CMSS1: variants seen among roughly 807,000 people sequenced by gnomAD.
The protein encoded by CMSS1 is cms1 ribosomal small subunit homolog.
In CMSS1, 33 loss-of-function variants were observed where a neutral mutation model predicts 43.5. That is an observed-to-expected ratio of 0.76 (90% CI 0.57 to 1.01). The LOEUF (loss-of-function observed/expected upper bound fraction) is 1.01. Ranked by LOEUF, CMSS1 falls within the 50% of genes least tolerant of loss-of-function variation. The pLI is 0.00. For synonymous variants in CMSS1, 115 were observed against 117.2 expected (o/e 0.98, Z 0.12); for missense variants, 313 against 326.4 (o/e 0.96, Z 0.32).
intron 1 of CMSS1, among the ~76,000 whole-genome samples, chr3:99,984,151 C>A (rs1421416763): frequency 6.6e-6 from 1 of 151,978 alleles, no homozygotes; most frequent in African/African-American, 2.4e-5. Context: ...AAGTCCATCA[C>A]AAATTGGCTT....
chr3:99,956,113 T>A (rs1309608740), intron 1 of CMSS1, among the ~76,000 whole-genome samples: 1 of 152,166 alleles, frequency 6.6e-6, no homozygotes, highest in African/African-American at 2.4e-5. Flanking sequence ...ATTCATTCCT[T>A]ATTGCCTCTG....
At chr3:99,918,455 AACTC>A in intron 1 of CMSS1, among the ~76,000 whole-genome samples, 1 of 152,300 alleles carries the variant, frequency 6.6e-6, no homozygotes, top group South Asian at 2.1e-4. Flanking sequence ...GTAAGCAATA[AACTC>A]ACTATCATGT....
intron 1 of CMSS1, among the ~76,000 whole-genome samples, chr3:100,127,288 T>C (rs2066671277): frequency 6.6e-6 from 1 of 152,180 alleles, no homozygotes; most frequent in Non-Finnish European, 1.5e-5. Context: ...TAATCCTCAT[T>C]CATCTCTGTC....
chr3:100,174,494 T>C (rs2067133593), intron 8 of CMSS1, among the ~76,000 whole-genome samples: 1 of 152,184 alleles, frequency 6.6e-6, no homozygotes, highest in African/African-American at 2.4e-5. Context: ...TGAAGGCTTA[T>C]TTCATATGGA....
At chr3:99,833,255 G>C in intron 1 of CMSS1, 1 of 1,611,496 alleles carries the variant, frequency 6.2e-7, no homozygotes, top group South Asian at 1.1e-5. Context: ...AGAAGAAGTG[G>C]TTCCACCTAG....
chr3:100,137,280 G>T (rs1476332773), intron 1 of CMSS1, among the ~76,000 whole-genome samples: 5 of 152,184 alleles, frequency 3.3e-5, no homozygotes, highest in African/African-American at 9.7e-5. Context: ...GAGAACAGCT[G>T]ATGACCTCTA....
At chr3:99,896,409 T>C (rs1240442156) in intron 1 of CMSS1, among the ~76,000 whole-genome samples, 2 of 152,192 alleles carry the variant, frequency 1.3e-5, no homozygotes, top group Admixed American at 1.3e-4. Context: ...TAGTACAGCA[T>C]TTCTGTGTGT....
At chr3:99,905,735 G>A (rs141138686) in intron 1 of CMSS1, among the ~76,000 whole-genome samples, 1 of 152,260 alleles carries the variant, frequency 6.6e-6, no homozygotes, top group African/African-American at 2.4e-5. Context: ...GCCACCATTT[G>A]ATGTCTATTA....
At chr3:100,062,111 T>A (rs1175490424) in intron 1 of CMSS1, among the ~76,000 whole-genome samples, 1 of 75,294 alleles carries the variant, frequency 1.3e-5, no homozygotes, top group Non-Finnish European at 2.9e-5. Flanking sequence ...TTTTTTTTTT[T>A]TTTTTTTTTT....
intron 1 of CMSS1, among the ~76,000 whole-genome samples, chr3:99,846,310 C>G (rs1348096845): frequency 6.6e-6 from 1 of 152,176 alleles, no homozygotes; most frequent in Non-Finnish European, 1.5e-5. Flanking sequence ...AGACTTTGTT[C>G]TTAAATTCTG....
chr3:100,043,527 G>A (rs1001206530), intron 1 of CMSS1, among the ~76,000 whole-genome samples: 1 of 152,046 alleles, frequency 6.6e-6, no homozygotes, highest in Non-Finnish European at 1.5e-5. Context: ...TGGGAGACAG[G>A]CTCCACCCCA....
intron 1 of CMSS1, among the ~76,000 whole-genome samples, chr3:99,824,891 A>T (rs999664298): frequency 2.0e-5 from 3 of 152,184 alleles, no homozygotes; most frequent in African/African-American, 7.2e-5. Context: ...AGCTTTGTAA[A>T]TATTTTTGTT....
chr3:99,818,692 G>A (rs1942372748), intron 1 of CMSS1, among the ~76,000 whole-genome samples: 1 of 152,216 alleles, frequency 6.6e-6, no homozygotes, highest in South Asian at 2.1e-4. Context: ...TTATTTTACA[G>A]ATGAGAAACA....
At chr3:100,141,531 GC>G (rs1322999522) in intron 1 of CMSS1, 6 of 456,054 alleles carry the variant, frequency 1.3e-5, no homozygotes, top group African/African-American at 1.2e-4. Context: ...CATTGCCAGG[GC>G]CCCTCCCAGT....
intron 1 of CMSS1, among the ~76,000 whole-genome samples, chr3:99,857,956 A>G (rs1944052785): frequency 6.6e-6 from 1 of 152,236 alleles, no homozygotes; most frequent in African/African-American, 2.4e-5. Flanking sequence ...CAGGGGATAG[A>G]GGATCCTATT....
intron 1 of CMSS1, among the ~76,000 whole-genome samples, chr3:99,927,902 T>C (rs1433896235): frequency 6.6e-6 from 1 of 152,182 alleles, no homozygotes; most frequent in Non-Finnish European, 1.5e-5. Context: ...CTTAAGTCAG[T>C]GTTCCTGTCG....
intron 1 of CMSS1, among the ~76,000 whole-genome samples, chr3:99,936,026 G>T (rs899030552): frequency 2.6e-5 from 4 of 152,012 alleles, no homozygotes; most frequent in South Asian, 4.2e-4. Context: ...CTTTATTAAT[G>T]TTGTATATTA....
intron 1 of CMSS1, among the ~76,000 whole-genome samples, chr3:100,037,960 G>A (rs1168121931): frequency 2.3e-5 from 3 of 129,374 alleles, no homozygotes; most frequent in African/African-American, 5.9e-5. Context: ...TTTTTTTGGG[G>A]GGGGAGGGAA....
chr3:99,999,063 A>T (rs774712905), intron 1 of CMSS1, among the ~76,000 whole-genome samples: 1 of 152,162 alleles, frequency 6.6e-6, no homozygotes, highest in South Asian at 2.1e-4. Flanking sequence ...CACTTGTACT[A>T]TGTACCTATA....
Sources: gnomAD v4.1 joint callset for allele counts (sites outside exome capture counted in the v4.1 genomes callset) on GRCh38, gnomAD v4.1.1 for gene constraint, MANE v1.5 for transcripts, NCBI Gene and HGNC (gene_info 2026-07-23, HGNC 2026-07-21) for gene names.